ELAVL2: variants seen among roughly 807,000 people sequenced by gnomAD.
The protein encoded by ELAVL2 is ELAV like RNA binding protein 2, also known as ELAV-like protein 2.
Under a neutral mutation model 34.6 loss-of-function variants are expected in ELAVL2, and 4 were observed. The observed-to-expected ratio is 0.12, with a 90% CI of 0.06 to 0.26. The LOEUF is 0.26. ELAVL2 is among the 10% of genes least tolerant of loss of function. The probability of loss-of-function intolerance (pLI) is 1.00; values close to 1 mark genes in which losing one functional copy is unlikely to be tolerated. For synonymous variants in ELAVL2, 193 were observed against 154.8 expected (o/e 1.25, Z -1.83); for missense variants, 432 against 442.8 (o/e 0.98, Z 0.22).
At chr9:23,818,812 A>C (rs1042827312) in intron 1 of ELAVL2, among the ~76,000 whole-genome samples, 1 of 152,242 alleles carries the variant, frequency 6.6e-6, no homozygotes, top group East Asian at 1.9e-4. Flanking sequence ...GGGAATGGTA[A>C]AGTCAGTCTT....
At chr9:23,814,934 T>C (rs1415507672) in intron 1 of ELAVL2, among the ~76,000 whole-genome samples, 2 of 151,758 alleles carry the variant, frequency 1.3e-5, no homozygotes, top group African/African-American at 2.4e-5. Flanking sequence ...TATTCTGATA[T>C]ACACAAATGA....
At chr9:23,707,568 G>A (rs942855992) in intron 3 of ELAVL2, among the ~76,000 whole-genome samples, 1 of 152,162 alleles carries the variant, frequency 6.6e-6, no homozygotes, top group Non-Finnish European at 1.5e-5. Flanking sequence ...GACAGGCTCT[G>A]CATGAGATCA....
chr9:23,708,130 T>G (rs1461154748), intron 3 of ELAVL2, among the ~76,000 whole-genome samples: 2 of 152,300 alleles, frequency 1.3e-5, no homozygotes, highest in East Asian at 3.9e-4. Flanking sequence ...AAGACAAACC[T>G]TCTCAAAAAC....
intron 3 of ELAVL2, among the ~76,000 whole-genome samples, chr9:23,718,511 C>G (rs888112089): frequency 6.6e-6 from 1 of 152,118 alleles, no homozygotes; most frequent in African/African-American, 2.4e-5. Context: ...GCAGTAACAG[C>G]AAACACTGCA....
intron 4 of ELAVL2, among the ~76,000 whole-genome samples, chr9:23,703,574 A>G (rs1004994600): frequency 1.3e-5 from 2 of 152,146 alleles, no homozygotes; most frequent in Admixed American, 6.5e-5. Context: ...TATGAAGCCA[A>G]TTAACAACAC....
intron 2 of ELAVL2, among the ~76,000 whole-genome samples, chr9:23,733,445 A>G (rs2047092786): frequency 6.6e-6 from 1 of 152,156 alleles, no homozygotes; most frequent in East Asian, 1.9e-4. Context: ...ATGTTGAGAA[A>G]TCACTGCCTT....
At chr9:23,848,460 G>A in the ELAVL2 span, among the ~76,000 whole-genome samples, 1 of 152,052 alleles carries the variant, frequency 6.6e-6, no homozygotes, top group Non-Finnish European at 1.5e-5. Context: ...TTTTAAGGAT[G>A]GTTATTGCAA....
At position 23,803,485 on chromosome 9, in the gene ELAVL2, C is replaced by A. The variant is rs77127590; in HGVS notation, c.-16+22321G>T. Among the ~76,000 whole-genome samples, 44 of 152,276 alleles carry A rather than the reference C, an allele frequency of 2.9e-4. 1 individual carries two copies. The East Asian group carries it at 8.0e-3, about 28-fold the overall frequency. On this transcript the variant is annotated intron_variant, in intron 1 of 6. Transcript: ENST00000397312. Reference sequence around the variant, plus strand: ...AGTCAGGAAGCCATGCATGCTCCATCTTCCTCTCAAAGCCCTGGTGCGTTC... The same window carrying A: ...AGTCAGGAAGCCATGCATGCTCCATATTCCTCTCAAAGCCCTGGTGCGTTC...
At chr9:23,800,469 A>C (rs1385466064) in intron 1 of ELAVL2, among the ~76,000 whole-genome samples, 1 of 152,190 alleles carries the variant, frequency 6.6e-6, no homozygotes, top group Non-Finnish European at 1.5e-5. Flanking sequence ...GAAGGACCTC[A>C]CAAGCTGCAG....
chr9:23,777,742 AC>A (rs1419795316), intron 1 of ELAVL2, among the ~76,000 whole-genome samples: 1 of 152,222 alleles, frequency 6.6e-6, no homozygotes, highest in Non-Finnish European at 1.5e-5. Context: ...TTAAGGAAGA[AC>A]AACTGCTCTG....
chr9:23,765,154 A>G (rs763113185), intron 1 of ELAVL2: 8 of 1,497,554 alleles, frequency 5.3e-6, no homozygotes, highest in South Asian at 1.2e-5. Flanking sequence ...TAATGCAACA[A>G]ATCAGTTTGT....
intron 5 of ELAVL2, among the ~76,000 whole-genome samples, chr9:23,693,904 T>C (rs1007450083): frequency 4.6e-5 from 7 of 152,222 alleles, no homozygotes; most frequent in African/African-American, 1.7e-4. Context: ...AGTGGCTTGC[T>C]CAAGACCACA....
rs564843037 is a variant in ELAVL2, at chr9:23,713,102, C to T, written c.334-8031G>A. Among the ~76,000 whole-genome samples the T allele has an allele frequency of 3.9e-5, 6 of 152,266 alleles. No homozygotes were observed. The East Asian group carries it at 9.7e-4, about 25-fold the overall frequency. On this transcript the variant is annotated intron_variant, in intron 3 of 6. Transcript: ENST00000397312. ...AAATAGGCTGCCCTGACAGGCATCT[C>T]GTTTTTAGTAAAGTACAACTGGTAC...
intron 1 of ELAVL2, among the ~76,000 whole-genome samples, chr9:23,780,119 A>G: frequency 6.6e-6 from 1 of 151,436 alleles, no homozygotes; most frequent in East Asian, 1.9e-4. Flanking sequence ...ATTCTACAAA[A>G]CCTCACACAT....
intron 1 of ELAVL2, among the ~76,000 whole-genome samples, chr9:23,809,443 A>C (rs555307927): frequency 6.6e-6 from 1 of 152,308 alleles, no homozygotes; most frequent in South Asian, 2.1e-4. Flanking sequence ...AAGTAAACTT[A>C]AGAGACTCAA....
intron 3 of ELAVL2, among the ~76,000 whole-genome samples, chr9:23,713,140 C>T (rs2041426097): frequency 6.6e-6 from 1 of 152,152 alleles, no homozygotes; most frequent in South Asian, 2.1e-4. Context: ...AACTTCTGCC[C>T]TTTTATTGTT....
intron 3 of ELAVL2, among the ~76,000 whole-genome samples, chr9:23,716,990 T>C (rs1482322548): frequency 3.3e-5 from 5 of 152,198 alleles, no homozygotes; most frequent in Non-Finnish European, 7.4e-5. Flanking sequence ...TTGGTAAGTA[T>C]TATCAGACAG....
chr9:23,796,326 C>T (rs2060920519), intron 1 of ELAVL2, among the ~76,000 whole-genome samples: 1 of 152,184 alleles, frequency 6.6e-6, no homozygotes, highest in African/African-American at 2.4e-5. Context: ...TTGCAATCTC[C>T]ATTTAAAAAG....
chr9:23,727,055 C>A (rs1300414707), intron 3 of ELAVL2, among the ~76,000 whole-genome samples: 1 of 152,100 alleles, frequency 6.6e-6, no homozygotes, highest in African/African-American at 2.4e-5. Context: ...CTTTTCACTA[C>A]CTTCCCTAAT....
Sources: allele counts gnomAD v4.1 joint callset (sites outside exome capture counted in the v4.1 genomes callset), GRCh38; gene constraint gnomAD v4.1.1; transcripts MANE v1.5; gene names NCBI Gene and HGNC (gene_info 2026-07-23, HGNC 2026-07-21).